The following ST3GAL3 variants were observed in gnomAD, a reference collection of about 807,000 sequenced individuals.
The protein encoded by ST3GAL3 is CMP-N-acetylneuraminate-beta-1,4-galactoside alpha-2,3-sialyltransferase.
ST3GAL3 carries 21 observed loss-of-function variants against 50.1 expected under a neutral mutation model. The ratio of observed to expected loss-of-function variants is 0.42; its 90% CI spans 0.30 to 0.60. The LOEUF (loss-of-function observed/expected upper bound fraction) is 0.60. Ranked by LOEUF, ST3GAL3 falls within the 20% of genes least tolerant of loss-of-function variation. The pLI, the probability that ST3GAL3 is intolerant of heterozygous loss-of-function variation, is 0.19. For synonymous variants in ST3GAL3, 183 were observed against 190.0 expected (o/e 0.96, Z 0.30); for missense variants, 353 against 489.4 (o/e 0.72, Z 2.63).
intron 6 of ST3GAL3, among the ~76,000 whole-genome samples, chr1:43,894,924 T>C (rs533578090): frequency 6.6e-6 from 1 of 152,300 alleles, no homozygotes; most frequent in East Asian, 1.9e-4. Context: ...GCCCGGCTTC[T>C]TCTTTAATGG....
At chr1:43,797,914 A>C (rs1055054988) in intron 3 of ST3GAL3, among the ~76,000 whole-genome samples, 130 of 152,222 alleles carry the variant, frequency 8.5e-4, no homozygotes, top group Non-Finnish European at 3.5e-4. Flanking sequence ...AAAACACAGA[A>C]GTTCATCATG....
chr1:43,715,174 A>C (rs990281089), intron 1 of ST3GAL3, among the ~76,000 whole-genome samples: 1 of 152,160 alleles, frequency 6.6e-6, no homozygotes, highest in Non-Finnish European at 1.5e-5. Flanking sequence ...GGATTCCCTT[A>C]AAGTTTAAAA....
chr1:43,896,456 T>G (rs1158925621), intron 6 of ST3GAL3, among the ~76,000 whole-genome samples: 2 of 152,222 alleles, frequency 1.3e-5, no homozygotes, highest in Non-Finnish European at 2.9e-5. Context: ...CAATTAAAGC[T>G]TCTGCGGGTC....
At chr1:43,840,005 T>G (rs2065094987) in intron 5 of ST3GAL3, 2 of 152,258 alleles carry the variant, frequency 1.3e-5, no homozygotes, top group Admixed American at 1.3e-4. Flanking sequence ...CCAGGCCCCA[T>G]TGGAGATTAC....
intron 5 of ST3GAL3, among the ~76,000 whole-genome samples, chr1:43,884,122 C>G (rs1243751202): frequency 2.0e-5 from 3 of 152,210 alleles, no homozygotes; most frequent in Admixed American, 2.0e-4. Flanking sequence ...CAGCACAGGA[C>G]CTAGCACTGA....
intron 5 of ST3GAL3, chr1:43,850,630 C>G: frequency 1.3e-6 from 1 of 761,178 alleles, no homozygotes; most frequent in Non-Finnish European, 2.4e-6. Context: ...ACCTTCTCAG[C>G]CCTTCTGCCA....
In ST3GAL3 at chr1:43,931,082, G is replaced by T. The variant is rs2084947752; in HGVS notation, c.*861G>T. On this transcript the variant is annotated 3_prime_UTR_variant, in exon 12 of 12. Transcript: ENST00000347631. ...TGCCTTTAGCCTGGACCAAAGGGAA[G>T]TGAGGCCCAAGGAGCTTACCCAAGC... 1 of 152,776 alleles carries T rather than the reference G, an allele frequency of 6.5e-6. No individual in the cohort carries two copies. Among genetic ancestry groups the T allele is most frequent in the Non-Finnish European group, 1.5e-5 (1 of 68,148 alleles). The allele number at this position is 152,776 out of a possible 1,614,324, so 9.5% of individuals were successfully genotyped here. A position where few individuals can be genotyped will look rare whatever the true frequency, so the allele number is the denominator to read the frequency against.
chr1:43,767,043 G>C (rs934880106), intron 2 of ST3GAL3, among the ~76,000 whole-genome samples: 2 of 152,278 alleles, frequency 1.3e-5, no homozygotes, highest in South Asian at 4.1e-4. Context: ...AAAGGAGAGA[G>C]AGAAATGTGG....
At chr1:43,867,001 G>A (rs756163495) in intron 5 of ST3GAL3, among the ~76,000 whole-genome samples, 2 of 152,282 alleles carry the variant, frequency 1.3e-5, no homozygotes, top group Non-Finnish European at 1.5e-5. Flanking sequence ...ATAGTGGCGC[G>A]TGTCTGTAAT....
intron 2 of ST3GAL3, among the ~76,000 whole-genome samples, chr1:43,782,666 A>G (rs1049049920): frequency 2.0e-5 from 3 of 152,214 alleles, no homozygotes; most frequent in Admixed American, 2.0e-4. Context: ...TAACAGCAGC[A>G]TGTATTGAGG....
At chr1:43,878,180 C>T (rs935780872) in intron 5 of ST3GAL3, among the ~76,000 whole-genome samples, 2 of 152,280 alleles carry the variant, frequency 1.3e-5, no homozygotes, top group East Asian at 1.9e-4. Context: ...CCTGTGGTCA[C>T]ATTGCCTTTT....
intron 5 of ST3GAL3, among the ~76,000 whole-genome samples, chr1:43,891,017 A>G (rs1425454997): frequency 6.6e-6 from 1 of 152,182 alleles, no homozygotes; most frequent in African/African-American, 2.4e-5. Context: ...GGAAATGATG[A>G]CTAACCCATA....
chr1:43,736,165 CT>C, intron 1 of ST3GAL3, 67 bp from the exon 2 acceptor site: 1 of 1,408,848 alleles, frequency 7.1e-7, no homozygotes, highest in Non-Finnish European at 1.0e-6. Context: ...TCTATAGATA[CT>C]TTAAGAGAGA....
chr1:43,708,760 ACTGT>A (rs1662923272), intron 1 of ST3GAL3, among the ~76,000 whole-genome samples: 1 of 152,236 alleles, frequency 6.6e-6, no homozygotes, highest in Non-Finnish European at 1.5e-5. Flanking sequence ...CGCGTGTCTA[ACTGT>A]CTAACCATGG....
intron 10 of ST3GAL3, 114 bp from the exon 11 acceptor site, chr1:43,920,668 G>A: frequency 6.2e-7 from 1 of 1,606,532 alleles, no homozygotes; most frequent in Non-Finnish European, 8.5e-7. Context: ...GGGGAAGAGG[G>A]CTCAGTCCTT....
At chr1:43,772,753 T>C (rs1695758124) in intron 2 of ST3GAL3, 1 of 151,814 alleles carries the variant, frequency 6.6e-6, no homozygotes. Context: ...CTTTATTTTA[T>C]TTTTCGTTTT....
At chr1:43,917,450 A>T (rs1416060113) in intron 9 of ST3GAL3, among the ~76,000 whole-genome samples, 3 of 23,420 alleles carry the variant, frequency 1.3e-4, no homozygotes, top group Admixed American at 8.2e-4. Context: ...TATAATATAT[A>T]ATATATAATA....
chr1:43,846,653 C>T (rs1308906252), intron 5 of ST3GAL3, among the ~76,000 whole-genome samples: 2 of 152,110 alleles, frequency 1.3e-5, no homozygotes, highest in Admixed American at 1.3e-4. Flanking sequence ...CACATGTCAC[C>T]GTACCCAGCT....
rs1298476546 is a variant in ST3GAL3 at position 43,803,047 on chromosome 1, T to C, written c.166+10898T>C. Among the ~76,000 whole-genome samples the C allele has an allele frequency of 2.6e-5, 4 of 152,092 alleles. No homozygotes were observed. The East Asian group carries it at 7.7e-4, about 29-fold the overall frequency. ...TTCAAATGATTCTCCTGCCTCAGCC[T>C]CCCAAGTAGCTGGGACTACAGGCAC... On this transcript the variant is annotated intron_variant, in intron 3 of 11. Coordinates refer to ENST00000347631, the MANE Select transcript of ST3GAL3 (RefSeq NM_006279.5).
Sources: gnomAD v4.1 joint callset for allele counts (sites outside exome capture counted in the v4.1 genomes callset) on GRCh38, gnomAD v4.1.1 for gene constraint, MANE v1.5 for transcripts, NCBI Gene and HGNC (gene_info 2026-07-23, HGNC 2026-07-21) for gene names.